The following NSD1 variants were observed in gnomAD, a reference collection of about 807,000 sequenced individuals.
NSD1 encodes histone-lysine N-methyltransferase, H3 lysine-36 specific.
A neutral mutation model predicts 242.7 loss-of-function variants in NSD1; 26 were observed. The ratio of observed to expected loss-of-function variants is 0.11; its 90% confidence interval spans 0.08 to 0.15. The LOEUF is 0.15. Among genes scored for constraint, NSD1 ranks in the 10% least tolerant of loss-of-function variants. The pLI is 1.00. For missense variants in NSD1, 2,495 were observed against 3,272.8 expected (o/e 0.76, Z 5.80); for synonymous variants, 1,106 against 1,178.1 (o/e 0.94, Z 1.25).
At chr5:177,133,574 AGCTCCGCT>A (rs1003196097), upstream of NSD1, 12 of 149,246 alleles carry the variant, frequency 8.0e-5, no homozygotes, top group Non-Finnish European at 7.4e-5. The surrounding 1 kb of genome is among the most constrained non-coding windows in gnomAD (Gnocchi z 6.2). Context: ...CGGCAGCGGC[AGCTCCGCT>A]GATTGGGCGG....
At position 177,267,575 on chromosome 5, in the gene NSD1, G is replaced by A. The variant is rs764836201; in HGVS notation, c.5160G>A (p.Leu1720=). Residue 1720 remains leucine (L), a synonymous_variant, in exon 15 of 23, where the codon CTG becomes CTA. Transcript: ENST00000439151. ...TTATTCCCACAGGAGGCAGCCTTCT[G>A]TGCTGTGATTCTTGCCCTGCTGCTT... ...CFVCSEGGSL[L]CCDSCPAAFH... 1.9e-6 allele frequency: 3 copies of A among 1,614,074 alleles called. No homozygotes were observed. The East Asian group carries it at 6.7e-5, about 36-fold the overall frequency.
intron 8 of NSD1, among the ~76,000 whole-genome samples, chr5:177,243,343 C>T (rs1006456194): frequency 1.3e-5 from 2 of 152,094 alleles, no homozygotes; most frequent in Non-Finnish European, 2.9e-5. Flanking sequence ...TGCCACTGCA[C>T]CTAGCTAATT....
At chr5:177,168,741 A>G (rs970619616) in intron 2 of NSD1, among the ~76,000 whole-genome samples, 1 of 152,142 alleles carries the variant, frequency 6.6e-6, no homozygotes, top group Non-Finnish European at 1.5e-5. Flanking sequence ...GATTGCTGGC[A>G]TGAGCCACCA....
intron 3 of NSD1, among the ~76,000 whole-genome samples, chr5:177,195,502 C>G (rs1762038738): frequency 6.6e-6 from 1 of 152,060 alleles, no homozygotes; most frequent in African/African-American, 2.4e-5. Context: ...GGGTCTCGTT[C>G]TATTGCCCAG....
At chr5:177,251,693 A>G (rs1425551031) in intron 11 of NSD1, 37 bp from the exon 12 acceptor site, 18 of 1,611,840 alleles carry the variant, frequency 1.1e-5, no homozygotes, top group Non-Finnish European at 1.1e-5. Flanking sequence ...ATTCTCAAAC[A>G]TGGAAAAACA....
At chr5:177,260,339 CTTTTT>C (rs1174250871) in intron 14 of NSD1, among the ~76,000 whole-genome samples, 171 bp downstream of exon 14, 4 of 85,836 alleles carry the variant, frequency 4.7e-5, no homozygotes, top group South Asian at 4.0e-4. Flanking sequence ...CATAGCAGAA[CTTTTT>C]TTTTTTTTTT....
chr5:177,294,723 C>A lies in NSD1; in HGVS notation c.7355C>A (p.Ala2452Asp). Residue 2452 changes from alanine (A) to aspartate (D), a missense_variant, in exon 23 of 23, where the codon GCT (alanine) becomes GAT (aspartate). Ala to Asp is a moderately radical substitution (Grantham distance 126). Transcript: ENST00000439151. ...VDQNTQSKNR[A>D]ALVMDLIDLT... ...CAGAATACTCAGTCAAAAAATAGAG[C>A]TGCTTTGGTGATGGATCTCATAGAC... is the stretch of plus-strand genomic sequence containing the variant. The A allele has an allele frequency of 6.2e-7, 1 of 1,614,232 alleles. No homozygotes were observed. The highest frequency in any genetic ancestry group is 8.5e-7 in the Non-Finnish European group (1 of 1,180,040).
At position 177,166,056 on chromosome 5, in the gene NSD1, C is replaced by T. The variant is rs557274713; in HGVS notation, c.928-25828C>T. On this transcript the variant is annotated intron_variant, in intron 2 of 22. Coordinates refer to ENST00000439151, the MANE Select transcript of NSD1 (RefSeq NM_022455.5). ...TCCCGAGTGGCTGGGATTACAGGCA[C>T]GTGCTGCCACGCCCAGCTAATTTTT... Among the ~76,000 whole-genome samples the T allele has an allele frequency of 3.9e-5, 6 of 151,948 alleles. No individual in the cohort carries two copies. The East Asian group carries it at 7.8e-4, about 20-fold the overall frequency.
intron 2 of NSD1, among the ~76,000 whole-genome samples, chr5:177,173,808 C>T (rs764495111): frequency 6.6e-6 from 1 of 152,072 alleles, no homozygotes. Flanking sequence ...AGTTTATCGA[C>T]GTGTGTGATT....
intron 16 of NSD1, among the ~76,000 whole-genome samples, chr5:177,270,347 A>G (rs1757855062): frequency 1.3e-5 from 2 of 152,232 alleles, no homozygotes; most frequent in South Asian, 4.1e-4. Context: ...ACTGCTTACC[A>G]GGTGGTCCAA....
intron 2 of NSD1, 134 bp downstream of exon 2, chr5:177,136,164 T>C (rs981936941): frequency 1.3e-5 from 10 of 753,714 alleles, no homozygotes; most frequent in African/African-American, 1.1e-4. Flanking sequence ...AATCATAAGC[T>C]TTGGGCAAAA....
intron 3 of NSD1, among the ~76,000 whole-genome samples, chr5:177,197,553 C>T (rs1414459705): frequency 6.6e-6 from 1 of 151,820 alleles, no homozygotes; most frequent in Non-Finnish European, 1.5e-5. Flanking sequence ...ACCCGGGAGG[C>T]GGAGCTTGCA....
chr5:177,272,541 A>G (rs1188186118), intron 16 of NSD1, among the ~76,000 whole-genome samples: 1 of 152,212 alleles, frequency 6.6e-6, no homozygotes, highest in Admixed American at 6.5e-5. Context: ...TAAGTGCAGA[A>G]TGAGAATCTT....
chr5:177,264,054 T>TTTTTGTTG, intron 14 of NSD1, among the ~76,000 whole-genome samples: 1 of 119,570 alleles, frequency 8.4e-6, no homozygotes, highest in African/African-American at 3.0e-5. Flanking sequence ...TTTTTTTTTT[T>TTTTTGTTG]GAGATGGAGT....
rs2149846356 is a variant in NSD1 at position 177,211,227 on chromosome 5, A to G, written c.2828A>G (p.Asp943Gly). The change falls in exon 5 of 23, where the codon GAC (aspartate) becomes GGC (glycine). Residue 943 changes from aspartate to glycine, a missense_variant. Coordinates refer to ENST00000439151, the MANE Select transcript of NSD1 (RefSeq NM_022455.5). Reference protein sequence around the residue: ...LVSYRSPGRGDCSTNSPVGVS... With the variant: ...LVSYRSPGRGGCSTNSPVGVS... ...TCTTACCGGAGTCCTGGTCGTGGGG[A>G]CTGTTCTACTAATAGTCCTGTAGGA... 6.2e-7 allele frequency: 1 copy of G among 1,613,950 alleles called. No homozygotes were observed. Among genetic ancestry groups the G allele is most frequent in the South Asian group, 1.1e-5 (1 of 91,078 alleles).
At chr5:177,205,655 CTT>C (rs1212836518) in intron 4 of NSD1, among the ~76,000 whole-genome samples, 1 of 151,998 alleles carries the variant, frequency 6.6e-6, no homozygotes, top group African/African-American at 2.4e-5. Context: ...ATCTGATACT[CTT>C]TTACCTGTTA....
At chr5:177,283,741 CA>C in intron 19 of NSD1, 45 bp from the exon 20 acceptor site, 1 of 1,604,654 alleles carries the variant, frequency 6.2e-7, no homozygotes, top group Non-Finnish European at 8.5e-7. Context: ...TAATCCACAG[CA>C]GAGGTCTCAG....
chr5:177,160,666 G>A (rs768112294), intron 2 of NSD1, among the ~76,000 whole-genome samples: 15 of 151,996 alleles, frequency 9.9e-5, no homozygotes, highest in Non-Finnish European at 1.8e-4. Flanking sequence ...TGGTAATTTT[G>A]CATTTTGAAA....
At chr5:177,291,817 T>C in intron 21 of NSD1, 137 bp from the exon 22 acceptor site, 3 of 843,404 alleles carry the variant, frequency 3.6e-6, no homozygotes, top group Non-Finnish European at 5.9e-6. Flanking sequence ...ATGTACCAGG[T>C]ACCTTTCCTG....
Sources: gnomAD v4.1 joint callset for allele counts (sites outside exome capture counted in the v4.1 genomes callset) on GRCh38, gnomAD v4.1.1 for gene constraint, Gnocchi (gnomAD v3.1) non-coding constraint, MANE v1.5 for transcripts, NCBI Gene and HGNC (gene_info 2026-07-23, HGNC 2026-07-21) for gene names.